Variants in GARIN1A observed in about 807,000 individuals in gnomAD.
GARIN1A encodes golgi associated RAB2 interactor 1A.
chr7:128,691,050 G>C, the GARIN1A span: 3 of 152,084 alleles, frequency 2.0e-5, no homozygotes, highest in African/African-American at 7.2e-5. Context: ...AGAGGAAGAA[G>C]TTGTACAAAA....
chr7:128,697,585 C>T, the GARIN1A span: 2 of 152,902 alleles, frequency 1.3e-5, no homozygotes, highest in East Asian at 3.8e-4. Flanking sequence ...CTCTCTTTCC[C>T]CCTTTTGTCG....
the GARIN1A span, among the ~76,000 whole-genome samples, chr7:128,681,455 C>T: frequency 9.6e-6 from 1 of 104,004 alleles, no homozygotes; most frequent in Non-Finnish European, 2.0e-5. Context: ...CCTCTCCCCT[C>T]CCCTCCCCTC....
At chr7:128,701,401 A>G in the GARIN1A span, among the ~76,000 whole-genome samples, 1 of 6,666 alleles carries the variant, frequency 1.5e-4, no homozygotes. Context: ...GGGGAGGGGA[A>G]GGGGAAGGGA....
At chr7:128,683,042 G>C in the GARIN1A span, 3 of 1,611,122 alleles carry the variant, frequency 1.9e-6, no homozygotes, top group Non-Finnish European at 2.5e-6. Context: ...CAATCAATTT[G>C]AATATACCCA....
the GARIN1A span, among the ~76,000 whole-genome samples, chr7:128,689,551 G>T: frequency 6.9e-6 from 1 of 145,774 alleles, no homozygotes; most frequent in Non-Finnish European, 1.5e-5. Context: ...GAGCCCCTCC[G>T]CCCGGCAGCC....
chr7:128,682,567 T>C, the GARIN1A span, among the ~76,000 whole-genome samples: 162 of 152,104 alleles, frequency 1.1e-3, 1 homozygote, highest in African/African-American at 2.8e-3. Context: ...GATTAGAAAG[T>C]GAGTTGGTTT....
chr7:128,679,803 C>G, the GARIN1A span, among the ~76,000 whole-genome samples: 1 of 152,202 alleles, frequency 6.6e-6, no homozygotes, highest in Admixed American at 6.5e-5. Flanking sequence ...CAGATCTGCA[C>G]TCAGGACAGA....
chr7:128,698,474 C>A, the GARIN1A span, among the ~76,000 whole-genome samples: 1 of 152,102 alleles, frequency 6.6e-6, no homozygotes, highest in Non-Finnish European at 1.5e-5. Flanking sequence ...CATGCCACCC[C>A]GACTCCAGCT....
chr7:128,690,222 A>G, the GARIN1A span, among the ~76,000 whole-genome samples: 5 of 152,080 alleles, frequency 3.3e-5, no homozygotes, highest in Admixed American at 1.3e-4. Context: ...GCTCGTTAAG[A>G]GTCATCACCA....
At chr7:128,685,345 A>C in the GARIN1A span, 1 of 152,278 alleles carries the variant, frequency 6.6e-6, no homozygotes, top group Non-Finnish European at 1.5e-5. Context: ...AGAGATGCCA[A>C]GTCCTATTTT....
chr7:128,696,910 C>T, the GARIN1A span, among the ~76,000 whole-genome samples: 1 of 152,126 alleles, frequency 6.6e-6, no homozygotes, highest in African/African-American at 2.4e-5. Context: ...TGAGTCTAGA[C>T]CCTAACTCCC....
the GARIN1A span, among the ~76,000 whole-genome samples, chr7:128,701,770 A>G: frequency 6.6e-5 from 10 of 152,272 alleles, no homozygotes; most frequent in East Asian, 1.7e-3. Flanking sequence ...TAAAGTTTAA[A>G]ACAGAGAACA....
chr7:128,687,060 T>C, the GARIN1A span: 41,118 of 152,088 alleles, frequency 0.27, 5,929 homozygotes, highest in East Asian at 0.54. Context: ...TGAAGATACT[T>C]TGAGGACATT....
the GARIN1A span, chr7:128,683,723 C>T: frequency 6.6e-6 from 1 of 152,204 alleles, no homozygotes; most frequent in Non-Finnish European, 1.5e-5. Context: ...TCACATTGGC[C>T]TCTCAAAGGG....
the GARIN1A span, chr7:128,675,643 T>C: frequency 1.2e-6 from 2 of 1,610,936 alleles, no homozygotes. Context: ...TTCTGCTCCT[T>C]TCTGACCCAT....
the GARIN1A span, chr7:128,680,093 G>A: frequency 6.3e-7 from 1 of 1,581,448 alleles, no homozygotes; most frequent in Non-Finnish European, 8.6e-7. Context: ...TGGCGGCTGA[G>A]CAGACCAGTG....
At chr7:128,680,065 G>A in the GARIN1A span, 2 of 1,579,948 alleles carry the variant, frequency 1.3e-6, no homozygotes, top group Non-Finnish European at 1.7e-6. Context: ...CCCCAGCCCA[G>A]CGAGCCCCTC....
the GARIN1A span, chr7:128,677,471 C>T: frequency 7.4e-7 from 1 of 1,345,338 alleles, no homozygotes. Context: ...CGCGCCACTG[C>T]ACTCTAGCCT....
the GARIN1A span, chr7:128,684,505 A>C: frequency 1.3e-5 from 2 of 151,086 alleles, no homozygotes; most frequent in East Asian, 3.9e-4. Context: ...AGTCCCAGCT[A>C]CTCAGGAGGT....
Sources: gnomAD v4.1 joint callset for allele counts (sites outside exome capture counted in the v4.1 genomes callset) on GRCh38, gnomAD v4.1.1 for gene constraint, MANE v1.5 for transcripts, NCBI Gene and HGNC (gene_info 2026-07-23, HGNC 2026-07-21) for gene names.